Variants in ERP44 observed in about 807,000 individuals in gnomAD.
The protein encoded by ERP44 is endoplasmic reticulum resident protein 44.
A neutral mutation model predicts 53.4 loss-of-function variants in ERP44; 25 were observed. The observed-to-expected ratio is 0.47, with a 90% CI of 0.34 to 0.65. The LOEUF (loss-of-function observed/expected upper bound fraction) is 0.65. Ranked by LOEUF, ERP44 falls within the 30% of genes least tolerant of loss-of-function variation. The probability of loss-of-function intolerance (pLI) is 0.01; values close to 1 mark genes in which losing one functional copy is unlikely to be tolerated. For synonymous variants in ERP44, 145 were observed against 161.2 expected, an observed-to-expected ratio of 0.90 and a Z score of 0.76; for missense variants, 338 against 493.2, an observed-to-expected ratio of 0.69 and a Z score of 2.98.
chr9:99,983,174 G>C (rs1830165329), intron 11 of ERP44, among the ~76,000 whole-genome samples: 1 of 152,214 alleles, frequency 6.6e-6, no homozygotes, highest in South Asian at 2.1e-4. Flanking sequence ...AAAGAGGAAA[G>C]CAAACACTTC....
chr9:100,060,182 T>A lies in ERP44; in HGVS notation c.58-10A>T. On this transcript the variant is annotated splice_polypyrimidine_tract_variant and intron_variant, in intron 1 of 11. Coordinates refer to ENST00000262455, the MANE Select transcript of ERP44 (RefSeq NM_015051.3). ...TAAAAACCCAAGTTACCTGAAAATT[T>A]AAAAAATGAGAAATTAATAAATGTG... 1 of 1,493,742 alleles carries A rather than the reference T, an allele frequency of 6.7e-7. No homozygotes were observed. The highest frequency in any genetic ancestry group is 8.9e-7 in the Non-Finnish European group (1 of 1,124,114). 92.5% of individuals were successfully genotyped at this position (1,493,742 alleles called of 1,614,324 possible). A position where few individuals can be genotyped will look rare whatever the true frequency, so the allele number is the denominator to read the frequency against.
chr9:100,070,362 T>C (rs567826443), intron 1 of ERP44, among the ~76,000 whole-genome samples: 3 of 152,314 alleles, frequency 2.0e-5, no homozygotes, highest in Non-Finnish European at 4.4e-5. Flanking sequence ...CATTTTCACA[T>C]TAAAAATAAA....
At chr9:100,006,421 A>G in intron 10 of ERP44, 85 bp downstream of exon 10, 1 of 1,022,444 alleles carries the variant, frequency 9.8e-7, no homozygotes, top group Non-Finnish European at 1.4e-6. Context: ...CCAACATAGG[A>G]TTATTTAAAA....
chr9:100,055,969 G>A (rs1397619473), intron 3 of ERP44, among the ~76,000 whole-genome samples: 1 of 152,160 alleles, frequency 6.6e-6, no homozygotes. Flanking sequence ...AGCTTTTTCA[G>A]CCATATAAAA....
At chr9:100,055,357 T>C (rs2118711367) in intron 3 of ERP44, among the ~76,000 whole-genome samples, 1 of 152,286 alleles carries the variant, frequency 6.6e-6, no homozygotes, top group Non-Finnish European at 1.5e-5. Flanking sequence ...TTTACCCTGA[T>C]GTGTGTTTTT....
At chr9:99,998,513 C>T (rs575076198) in intron 10 of ERP44, 13 of 716,758 alleles carry the variant, frequency 1.8e-5, no homozygotes, top group African/African-American at 3.5e-5. Context: ...CCCGCTGTCC[C>T]GGCTCCCCCA....
At chr9:100,063,825 G>A (rs973732814) in intron 1 of ERP44, among the ~76,000 whole-genome samples, 9 of 152,092 alleles carry the variant, frequency 5.9e-5, no homozygotes, top group African/African-American at 2.2e-4. Flanking sequence ...AGAGCAGAGT[G>A]GCATCTTTAA....
At chr9:100,004,068 T>G (rs1187232279) in intron 10 of ERP44, among the ~76,000 whole-genome samples, 8 of 152,036 alleles carry the variant, frequency 5.3e-5, no homozygotes, top group African/African-American at 7.3e-5. Context: ...CTGAAGCCAC[T>G]GAGGCTGGCT....
intron 10 of ERP44, among the ~76,000 whole-genome samples, chr9:100,001,770 A>C (rs1346629318): frequency 6.6e-6 from 1 of 152,150 alleles, no homozygotes; most frequent in African/African-American, 2.4e-5. Flanking sequence ...TTATCCATTC[A>C]GCCAGTCTCT....
intron 1 of ERP44, among the ~76,000 whole-genome samples, chr9:100,080,241 C>A (rs1018911102): frequency 6.6e-6 from 1 of 152,168 alleles, no homozygotes; most frequent in African/African-American, 2.4e-5. Flanking sequence ...TGAACGCTTG[C>A]TATGACAGAG....
chr9:100,007,792 G>A, intron 8 of ERP44, 103 bp from the exon 9 acceptor site: 1 of 714,148 alleles, frequency 1.4e-6, no homozygotes, highest in African/African-American at 1.8e-5. Flanking sequence ...TAATGCAATA[G>A]TTGCAATATC....
chr9:100,059,373 G>A (rs1826117359), intron 2 of ERP44, among the ~76,000 whole-genome samples: 1 of 152,150 alleles, frequency 6.6e-6, no homozygotes. Flanking sequence ...CACATTGTCA[G>A]CAAACAAACC....
intron 10 of ERP44, among the ~76,000 whole-genome samples, chr9:100,003,062 T>C (rs1343865384): frequency 6.6e-6 from 1 of 152,230 alleles, no homozygotes; most frequent in East Asian, 1.9e-4. Context: ...TTCTAATTGT[T>C]CAATTCTGTT....
At chr9:100,067,894 G>C (rs569337930) in intron 1 of ERP44, among the ~76,000 whole-genome samples, 3 of 151,810 alleles carry the variant, frequency 2.0e-5, no homozygotes, top group African/African-American at 7.2e-5. Context: ...CCCCGCCTGA[G>C]AAGTGAGGAG....
intron 1 of ERP44, among the ~76,000 whole-genome samples, chr9:100,075,521 A>T (rs1375773777): frequency 6.6e-6 from 1 of 152,194 alleles, no homozygotes; most frequent in Non-Finnish European, 1.5e-5. Flanking sequence ...CATCACATTG[A>T]TGACATTATG....
Position 100,048,744 on chromosome 9 carries a change from C to T in ERP44, c.286+3673G>A, listed in dbSNP as rs189969189. ...ACGAATGAGCCTTGCGGACATTATGCTAAGTGAAATATGCCAGTCACAAAA... is the reference window on the plus strand; with the variant it reads ...ACGAATGAGCCTTGCGGACATTATGTTAAGTGAAATATGCCAGTCACAAAA... On this transcript the variant is annotated intron_variant, in intron 4 of 11. Coordinates refer to ENST00000262455, the MANE Select transcript of ERP44 (RefSeq NM_015051.3). Among the ~76,000 whole-genome samples the T allele has an allele frequency of 2.1e-3, 320 of 152,262 alleles. 1 individual carries two copies. Among genetic ancestry groups the T allele is most frequent in the African/African-American group, 7.3e-3 (305 of 41,556 alleles).
intron 4 of ERP44, among the ~76,000 whole-genome samples, chr9:100,051,218 C>G (rs1034475808): frequency 2.0e-5 from 3 of 152,160 alleles, no homozygotes; most frequent in Non-Finnish European, 2.9e-5. Flanking sequence ...TAGCGCAAAG[C>G]TATACCAATA....
At chr9:100,091,136 T>C (rs951583405) in intron 1 of ERP44, among the ~76,000 whole-genome samples, 8 of 152,242 alleles carry the variant, frequency 5.3e-5, no homozygotes, top group Non-Finnish European at 1.2e-4. Context: ...TTAGCAATGT[T>C]CGTGTCTACA....
At chr9:100,048,720 C>T (rs567264374) in intron 4 of ERP44, among the ~76,000 whole-genome samples, 9 of 152,264 alleles carry the variant, frequency 5.9e-5, no homozygotes, top group African/African-American at 2.2e-4. Flanking sequence ...TGCTACAACA[C>T]GAATGAGCCT....
Sources: allele counts gnomAD v4.1 joint callset (sites outside exome capture counted in the v4.1 genomes callset), GRCh38; gene constraint gnomAD v4.1.1; transcripts MANE v1.5; gene names NCBI Gene and HGNC (gene_info 2026-07-23, HGNC 2026-07-21).